Variants in LGR5 observed in about 807,000 individuals in gnomAD.
The protein encoded by LGR5 is leucine rich repeat containing G protein-coupled receptor 5, also known as leucine-rich repeat-containing G protein-coupled receptor 5.
A neutral mutation model predicts 76.7 loss-of-function variants in LGR5; 54 were observed. The observed-to-expected ratio is 0.70, with a 90% CI of 0.57 to 0.88. The LOEUF is 0.88. Among genes scored for constraint, LGR5 ranks in the 40% least tolerant of loss-of-function variants. LGR5 has a pLI of 0.00. For missense variants in LGR5, 1,078 were observed against 1,073.3 expected, an observed-to-expected ratio of 1.00 and a Z score of -0.06; for synonymous variants, 406 against 421.9, an observed-to-expected ratio of 0.96 and a Z score of 0.46.
chr12:71,510,163 A>G (rs1875078632), intron 2 of LGR5, among the ~76,000 whole-genome samples: 1 of 152,192 alleles, frequency 6.6e-6, no homozygotes, highest in South Asian at 2.1e-4. Context: ...CATGCCCATG[A>G]ATAATCTTCA....
At chr12:71,453,582 T>C (rs1033955231) in intron 1 of LGR5, among the ~76,000 whole-genome samples, 1 of 151,880 alleles carries the variant, frequency 6.6e-6, no homozygotes, top group African/African-American at 2.4e-5. Flanking sequence ...GTTGATTTGC[T>C]ACAGTGGCAG....
At chr12:71,456,043 T>C (rs189623436) in intron 1 of LGR5, among the ~76,000 whole-genome samples, 1 of 152,298 alleles carries the variant, frequency 6.6e-6, no homozygotes, top group East Asian at 1.9e-4. Flanking sequence ...AAGACCCAGT[T>C]TCACATGATG....
chr12:71,469,598 G>A (rs944068839), intron 1 of LGR5, among the ~76,000 whole-genome samples: 1 of 152,244 alleles, frequency 6.6e-6, no homozygotes, highest in Non-Finnish European at 1.5e-5. Context: ...GCAGGAGATG[G>A]GGGTGAGGTC....
chr12:71,542,739 T>C (rs758582959), intron 4 of LGR5, among the ~76,000 whole-genome samples: 3 of 152,160 alleles, frequency 2.0e-5, no homozygotes, highest in Non-Finnish European at 4.4e-5. Flanking sequence ...CAAGACACAC[T>C]GGGAGACGGC....
chr12:71,504,228 A>G (rs7135622), intron 1 of LGR5, among the ~76,000 whole-genome samples: 17,889 of 152,218 alleles, frequency 0.12, 1,156 homozygotes, highest in African/African-American at 0.17. Context: ...AGAGTTGCAC[A>G]GTGAAGACAT....
At chr12:71,510,644 G>A (rs1875106466) in intron 2 of LGR5, among the ~76,000 whole-genome samples, 1 of 152,148 alleles carries the variant, frequency 6.6e-6, no homozygotes, top group South Asian at 2.1e-4. Flanking sequence ...CAATTGAGTG[G>A]AGGAGACAGA....
chr12:71,504,793 C>G (rs1333460157), intron 2 of LGR5, 108 bp downstream of exon 2: 2 of 895,256 alleles, frequency 2.2e-6, no homozygotes, highest in Non-Finnish European at 3.8e-6. Context: ...GAAAACCTGT[C>G]AGCACCAACA....
intron 2 of LGR5, among the ~76,000 whole-genome samples, chr12:71,520,394 G>T (rs954780562): frequency 9.9e-5 from 15 of 152,148 alleles, no homozygotes; most frequent in African/African-American, 3.6e-4. Context: ...CCAGGGGCTG[G>T]AAATAAGGGG....
intron 1 of LGR5, among the ~76,000 whole-genome samples, chr12:71,446,182 A>G (rs1026397697): frequency 2.0e-5 from 3 of 152,228 alleles, no homozygotes; most frequent in African/African-American, 4.8e-5. Flanking sequence ...AATAGGAGTC[A>G]GAGAAAGACA....
At chr12:71,497,251 G>A (rs1390459000) in intron 1 of LGR5, among the ~76,000 whole-genome samples, 1 of 152,056 alleles carries the variant, frequency 6.6e-6, no homozygotes, top group Non-Finnish European at 1.5e-5. Flanking sequence ...GGAGGTTGTG[G>A]CTGCAGTAAG....
At chr12:71,559,254 C>T (rs1469074692) in intron 6 of LGR5, among the ~76,000 whole-genome samples, 1 of 150,970 alleles carries the variant, frequency 6.6e-6, no homozygotes, top group Non-Finnish European at 1.5e-5. Flanking sequence ...TTGAAGAGCT[C>T]CATCCGCCAG....
chr12:71,514,832 C>T (rs1875357187), intron 2 of LGR5, among the ~76,000 whole-genome samples: 1 of 152,130 alleles, frequency 6.6e-6, no homozygotes, highest in African/African-American at 2.4e-5. Flanking sequence ...GACGGCATCA[C>T]TTGAGGCATT....
At chr12:71,558,465 C>T (rs1565754629) in intron 6 of LGR5, among the ~76,000 whole-genome samples, 1 of 152,200 alleles carries the variant, frequency 6.6e-6, no homozygotes, top group African/African-American at 2.4e-5. Context: ...CAGCCTCTTC[C>T]TTTCCCTACT....
chr12:71,469,834 C>A (rs1352139593), intron 1 of LGR5, among the ~76,000 whole-genome samples: 1 of 152,158 alleles, frequency 6.6e-6, no homozygotes, highest in Non-Finnish European at 1.5e-5. Flanking sequence ...CGCCGCCCCA[C>A]CCGCCAACAC....
intron 1 of LGR5, among the ~76,000 whole-genome samples, chr12:71,442,280 G>T (rs1871801656): frequency 6.6e-6 from 1 of 152,088 alleles, no homozygotes; most frequent in Non-Finnish European, 1.5e-5. Context: ...ATTTAACTGT[G>T]TCCTCCATGT....
Position 71,583,920 on chromosome 12 carries a change from G to A in LGR5, c.1910G>A (p.Cys637Tyr). 2 of 1,614,172 alleles carry A rather than the reference G, an allele frequency of 1.2e-6. No homozygotes were observed. The highest frequency in any genetic ancestry group is 1.7e-5 in the Admixed American group (1 of 60,030). The stretch of plus-strand genomic sequence containing the variant: ...GCCTGGTGGGAGAATGGGGTTGGTT[G>A]CCATGTCATTGGTTTTTTGTCCATT... ...HGAWWENGVG[C>Y]HVIGFLSIFA... is the part of the protein sequence containing the mutation. The change falls in exon 18 of 18, where the codon TGC becomes TAC. Residue 637 changes from cysteine to tyrosine, a missense_variant. Coordinates refer to ENST00000266674, the MANE Select transcript of LGR5 (RefSeq NM_003667.4).
chr12:71,449,020 G>T (rs572631311), intron 1 of LGR5, among the ~76,000 whole-genome samples: 1 of 152,198 alleles, frequency 6.6e-6, no homozygotes, highest in East Asian at 1.9e-4. Context: ...CGACCCAAGG[G>T]ACAGTGCTGA....
At chr12:71,556,584 G>A (rs1183437546) in intron 5 of LGR5, 35 bp from the exon 6 acceptor site, 1 of 1,335,544 alleles carries the variant, frequency 7.5e-7, no homozygotes, top group African/African-American at 1.4e-5. Flanking sequence ...TCTGTGCAGT[G>A]TGCCTTCCTA....
intron 4 of LGR5, among the ~76,000 whole-genome samples, chr12:71,541,127 G>A (rs1876856365): frequency 6.6e-6 from 1 of 152,164 alleles, no homozygotes; most frequent in Admixed American, 6.5e-5. Flanking sequence ...ATTCTTATGA[G>A]GAGGAAAAGT....
Sources: gnomAD v4.1 joint callset for allele counts (sites outside exome capture counted in the v4.1 genomes callset) on GRCh38, gnomAD v4.1.1 for gene constraint, MANE v1.5 for transcripts, NCBI Gene and HGNC (gene_info 2026-07-23, HGNC 2026-07-21) for gene names.